ADSL: variants seen among roughly 807,000 people sequenced by gnomAD.
ADSL encodes the protein adenylosuccinase.
Under a neutral mutation model 62.1 loss-of-function variants are expected in ADSL, and 44 were observed. The observed-to-expected ratio is 0.71, with a 90% confidence interval of 0.56 to 0.91. The LOEUF (loss-of-function observed/expected upper bound fraction) is 0.91, where lower values mean the gene tolerates loss of function less well. ADSL is among the 40% of genes least tolerant of loss of function. The pLI is 0.00. For synonymous variants in ADSL, 198 were observed against 220.5 expected (o/e 0.90, Z 0.90); for missense variants, 531 against 627.4 (o/e 0.85, Z 1.64).
intron 9 of ADSL, 126 bp from the exon 10 acceptor site, chr22:40,362,855 G>C: frequency 1.1e-6 from 1 of 942,942 alleles, no homozygotes; most frequent in South Asian, 1.3e-5. Context: ...AGGTTATTGG[G>C]GTAATCATAA....
downstream of ADSL, among the ~76,000 whole-genome samples, chr22:40,371,760 G>T (rs958674939): frequency 2.0e-5 from 3 of 151,760 alleles, no homozygotes; most frequent in Admixed American, 2.0e-4. Flanking sequence ...GCAATGACAT[G>T]ATCTCGGCTC....
chr22:40,347,299 GCCA>G (rs2044180916), intron 1 of ADSL: 3 of 152,480 alleles, frequency 2.0e-5, no homozygotes, highest in African/African-American at 7.2e-5. Flanking sequence ...TGTTTTCTAG[GCCA>G]CCGTTTCTGC....
At chr22:40,384,805 A>T (rs1265678488) in intron 2 of ADSL, among the ~76,000 whole-genome samples, 1 of 152,198 alleles carries the variant, frequency 6.6e-6, no homozygotes, top group Non-Finnish European at 1.5e-5. Context: ...ACATATTTTA[A>T]TGTGTTGTGG....
At chr22:40,354,916 T>C (rs2044495346) in intron 4 of ADSL, among the ~76,000 whole-genome samples, 1 of 150,704 alleles carries the variant, frequency 6.6e-6, no homozygotes, top group Non-Finnish European at 1.5e-5. Context: ...AATAAGAGAA[T>C]AAGTAAGGCA....
chr22:40,347,041 T>C (rs1379357205), intron 1 of ADSL, among the ~76,000 whole-genome samples: 1 of 152,244 alleles, frequency 6.6e-6, no homozygotes, highest in African/African-American at 2.4e-5. Flanking sequence ...GCTTGTTTCG[T>C]ACTGTTGTGC....
chr22:40,356,621 G>A (rs2044570408), intron 4 of ADSL, among the ~76,000 whole-genome samples: 2 of 151,994 alleles, frequency 1.3e-5, no homozygotes, highest in South Asian at 4.1e-4. Flanking sequence ...AAGGCAGGAC[G>A]ATAGCTTGAG....
At chr22:40,358,610 T>C (rs2044655377) in intron 4 of ADSL, among the ~76,000 whole-genome samples, 1 of 152,188 alleles carries the variant, frequency 6.6e-6, no homozygotes, top group South Asian at 2.1e-4. Flanking sequence ...AAAAATTGCC[T>C]CTTGATGAAG....
intron 1 of ADSL, chr22:40,348,976 C>T (rs1258023124): frequency 5.8e-6 from 1 of 172,884 alleles, no homozygotes; most frequent in Non-Finnish European, 1.2e-5. Flanking sequence ...CCTGGAATTG[C>T]TTTCAGTTGC....
At chr22:40,360,669 A>G (rs963369885) in intron 7 of ADSL, among the ~76,000 whole-genome samples, 177 bp downstream of exon 7, 1 of 152,134 alleles carries the variant, frequency 6.6e-6, no homozygotes, top group Non-Finnish European at 1.5e-5. Flanking sequence ...CATTTTCTTT[A>G]AAGTTATCTC....
At position 40,365,042 on chromosome 22, in the gene ADSL, C is replaced by T. The variant is rs572438339; in HGVS notation, c.1354C>T (p.Arg452Cys). 3.7e-6 allele frequency: 6 copies of T among 1,613,856 alleles called. No homozygotes were observed. Among genetic ancestry groups the T allele is most frequent in the East Asian group, 2.2e-5 (1 of 44,888 alleles). The change falls in exon 12 of 13, where the codon CGT becomes TGT. Residue 452 changes from arginine (R) to cysteine (C), a missense_variant. By Grantham distance (180) the Arg-to-Cys change is radical. This residue lies in a region of ADSL where 471 missense variants were observed against 592.9 expected (regional missense o/e 0.79). Transcript: ENST00000623063. ...HLLDPSSFTGRASQQVQRFLE... is the reference protein window; with the variant it reads ...HLLDPSSFTGCASQQVQRFLE... ...ACTGGATCCTTCTTCTTTCACTGGTCGTGCCTCCCAGCAGGTAAGCTTCCA... is the reference window on the plus strand; with the variant it reads ...ACTGGATCCTTCTTCTTTCACTGGTTGTGCCTCCCAGCAGGTAAGCTTCCA...
intron 5 of ADSL, 31 bp from the exon 6 acceptor site, chr22:40,359,229 T>C: frequency 6.2e-7 from 1 of 1,613,220 alleles, no homozygotes; most frequent in East Asian, 2.2e-5. Flanking sequence ...GACACATGGA[T>C]TATTATAAGG....
chr22:40,387,188 T>C, intron 2 of ADSL: 1 of 398,616 alleles, frequency 2.5e-6, no homozygotes, highest in Non-Finnish European at 4.4e-6. Context: ...TGATGAATGC[T>C]TAACACATAT....
chr22:40,376,180 T>C (rs2146752714), intron 2 of ADSL: 2 of 8,926 alleles, frequency 2.2e-4, no homozygotes, highest in African/African-American at 1.3e-3. Flanking sequence ...AATTACCACT[T>C]TTTTTTTTTT....
At chr22:40,356,585 C>G (rs116381760) in intron 4 of ADSL, among the ~76,000 whole-genome samples, 5,697 of 151,288 alleles carry the variant, frequency 0.038, 290 homozygotes, top group African/African-American at 0.12. Flanking sequence ...TGACTTATGG[C>G]TGTAATCTCG....
Position 40,363,073 on chromosome 22 carries a change from TAAG to T in ADSL, c.1101+6_1101+8del, listed in dbSNP as rs2146668021. The T allele has an allele frequency of 1.2e-6, 2 of 1,613,106 alleles. No homozygotes were observed. The highest frequency in any genetic ancestry group is 1.7e-6 in the Non-Finnish European group (2 of 1,179,154). On this transcript the variant is annotated splice_donor_5th_base_variant and intron_variant, in intron 10 of 12. Transcript: ENST00000623063. ...GAAGGATTGGTCGTGTACCCCAAAG[TAAG>T]AAGCCTCAATTCAAAAGTAAAGTAC...
intron 4 of ADSL, among the ~76,000 whole-genome samples, chr22:40,357,929 G>A (rs945974892): frequency 2.0e-5 from 3 of 151,738 alleles, no homozygotes; most frequent in Admixed American, 6.6e-5. Flanking sequence ...CCGCCACCAC[G>A]CCCAGTTAAT....
intron 1 of ADSL, chr22:40,348,439 A>C (rs2044223507): frequency 2.5e-6 from 1 of 398,444 alleles, no homozygotes; most frequent in Non-Finnish European, 4.4e-6. Flanking sequence ...GCTGGAGTGC[A>C]GTGGCACAAT....
intron 2 of ADSL, among the ~76,000 whole-genome samples, chr22:40,378,719 T>C (rs921392729): frequency 2.6e-5 from 4 of 152,026 alleles, no homozygotes; most frequent in Non-Finnish European, 4.4e-5. Flanking sequence ...AGCGAGACTC[T>C]GTCTCAAAAA....
intron 6 of ADSL, among the ~76,000 whole-genome samples, chr22:40,359,837 C>T (rs1459719392): frequency 6.6e-6 from 1 of 152,128 alleles, no homozygotes; most frequent in Admixed American, 6.6e-5. Flanking sequence ...GACCTGCATT[C>T]TCTTTTTGTA....
Sources: allele counts gnomAD v4.1 joint callset (sites outside exome capture counted in the v4.1 genomes callset), GRCh38; gene constraint gnomAD v4.1.1; regional missense constraint gnomAD v4.1.1; transcripts MANE v1.5; gene names NCBI Gene and HGNC (gene_info 2026-07-23, HGNC 2026-07-21).